The following FAM135A variants were observed in gnomAD, a reference collection of about 807,000 sequenced individuals.
FAM135A encodes the protein family with sequence similarity 135 member A.
A neutral mutation model predicts 146.8 loss-of-function variants in FAM135A; 79 were observed. The observed-to-expected ratio is 0.54, with a 90% CI of 0.45 to 0.65. FAM135A has a LOEUF of 0.65. FAM135A is among the 30% of genes least tolerant of loss of function. FAM135A has a pLI of 0.00. For synonymous variants in FAM135A, 562 were observed against 603.6 expected, an observed-to-expected ratio of 0.93 and a Z score of 1.01; for missense variants, 1,623 against 1,758.2, an observed-to-expected ratio of 0.92 and a Z score of 1.38.
chr6:70,482,563 A>G (rs933067432), intron 10 of FAM135A, among the ~76,000 whole-genome samples: 1 of 152,176 alleles, frequency 6.6e-6, no homozygotes, highest in African/African-American at 2.4e-5. Context: ...ATTTGATTTT[A>G]TAATAGTTAT....
chr6:70,425,900 G>A (rs968177042), intron 2 of FAM135A, among the ~76,000 whole-genome samples: 3 of 151,770 alleles, frequency 2.0e-5, no homozygotes, highest in African/African-American at 4.8e-5. Context: ...TCAGGAGATC[G>A]AGACCATCCT....
chr6:70,497,471 A>G (rs1045873008), intron 11 of FAM135A, among the ~76,000 whole-genome samples: 1 of 152,104 alleles, frequency 6.6e-6, no homozygotes, highest in African/African-American at 2.4e-5. Flanking sequence ...CTCTCTTCCT[A>G]TTTGAATACG....
chr6:70,512,085 A>G (rs987489553), intron 12 of FAM135A, among the ~76,000 whole-genome samples: 7 of 151,984 alleles, frequency 4.6e-5, no homozygotes, highest in Admixed American at 3.9e-4. Context: ...TTATTTCATT[A>G]CTTCACAAAA....
chr6:70,502,767 A>G lies in FAM135A; in HGVS notation c.1005A>G (p.Leu335=), dbSNP rs148895358. 1.1e-4 allele frequency: 182 copies of G among 1,612,074 alleles called. No homozygotes were observed. In the African/African-American group the frequency reaches 2.3e-3, roughly 20 times the overall value. Residue 335 remains leucine (L), a synonymous_variant, in exon 12 of 22, where the codon TTA becomes TTG. Coordinates refer to ENST00000418814, the MANE Select transcript of FAM135A (RefSeq NM_001162529.3). Reference sequence around the variant, plus strand: ...TACACGAAGAACTAAGAATATTATTAGCACAAGAGCACCATACTTTGAGGG... The same window carrying G: ...TACACGAAGAACTAAGAATATTATTGGCACAAGAGCACCATACTTTGAGGG... ...ITLHEELRIL[L]AQEHHTLRVR... is the part of the protein sequence containing the mutation.
chr6:70,507,747 G>C (rs1790110279), intron 12 of FAM135A, among the ~76,000 whole-genome samples: 1 of 152,000 alleles, frequency 6.6e-6, no homozygotes, highest in African/African-American at 2.4e-5. Context: ...TATTGTGTGT[G>C]AATAGTTACA....
intron 4 of FAM135A, among the ~76,000 whole-genome samples, chr6:70,429,283 C>T (rs1562400035): frequency 6.6e-6 from 1 of 152,038 alleles, no homozygotes; most frequent in African/African-American, 2.4e-5. Context: ...GAGGCCGAGG[C>T]GGGCAGATCA....
Position 70,536,393 on chromosome 6 carries a change from A to G in FAM135A, c.4099A>G (p.Ser1367Gly). Residue 1367 changes from serine (S) to glycine (G), a missense_variant, in exon 19 of 22, where the codon AGT (serine) becomes GGT (glycine). Transcript: ENST00000418814. Reference protein sequence around the residue: ...GPHLGTLYNSSALVNTGLWFM... With the variant: ...GPHLGTLYNSGALVNTGLWFM... ...TCACCTTGGTACACTCTACAACAGCAGTGCTCTTGTTAATACAGGTAAAAA... is the reference window on the plus strand; with the variant it reads ...TCACCTTGGTACACTCTACAACAGCGGTGCTCTTGTTAATACAGGTAAAAA... 6.2e-7 allele frequency: 1 copy of G among 1,605,816 alleles called. No homozygotes were observed. The highest frequency in any genetic ancestry group is 8.5e-7 in the Non-Finnish European group (1 of 1,177,088).
In FAM135A at chr6:70,522,613, A is replaced by G. The variant is rs753693539; in HGVS notation, c.1103+27A>G. ...TGAGTAGTATAAATTCAAAATTAAA[A>G]TGATATTACTTCCTTTTACATAAGA... On this transcript the variant is annotated intron_variant, in intron 13 of 21. Coordinates refer to ENST00000418814, the MANE Select transcript of FAM135A (RefSeq NM_001162529.3). 21 of 1,564,982 alleles carry G rather than the reference A, an allele frequency of 1.3e-5. No individual in the cohort carries two copies. The South Asian group carries it at 2.4e-4, about 18-fold the overall frequency.
At chr6:70,523,005 C>T (rs973886336) in intron 13 of FAM135A, among the ~76,000 whole-genome samples, 1 of 152,074 alleles carries the variant, frequency 6.6e-6, no homozygotes, top group African/African-American at 2.4e-5. Context: ...AGAACAAATG[C>T]CTTCTATCTT....
intron 4 of FAM135A, among the ~76,000 whole-genome samples, chr6:70,446,770 C>T (rs1355571754): frequency 6.6e-6 from 1 of 152,184 alleles, no homozygotes; most frequent in Non-Finnish European, 1.5e-5. Flanking sequence ...GTGGTGATCA[C>T]CGCTCTCATA....
chr6:70,471,719 C>CTTTT (rs1324655116), intron 5 of FAM135A, among the ~76,000 whole-genome samples: 2 of 152,070 alleles, frequency 1.3e-5, no homozygotes, highest in African/African-American at 4.8e-5. Context: ...TACCCTTGAA[C>CTTTT]TTAAAAGTTG....
intron 15 of FAM135A, among the ~76,000 whole-genome samples, chr6:70,527,092 C>A (rs766748310): frequency 1.1e-4 from 17 of 151,952 alleles, no homozygotes; most frequent in Non-Finnish European, 2.1e-4. Flanking sequence ...CCATTAACTT[C>A]CAGACAAAAG....
intron 17 of FAM135A, among the ~76,000 whole-genome samples, chr6:70,533,466 A>G (rs1290372589): frequency 6.6e-6 from 1 of 152,222 alleles, no homozygotes; most frequent in East Asian, 1.9e-4. Context: ...TCACATTTCT[A>G]TAGAAATATT....
chr6:70,461,067 G>A (rs370619602), intron 5 of FAM135A, among the ~76,000 whole-genome samples: 27 of 151,830 alleles, frequency 1.8e-4, no homozygotes, highest in South Asian at 8.3e-4. Flanking sequence ...CAAGTGATCC[G>A]CTGCCTCAGC....
At chr6:70,416,895 G>C (rs1767686418) in intron 2 of FAM135A, among the ~76,000 whole-genome samples, 1 of 152,194 alleles carries the variant, frequency 6.6e-6, no homozygotes, top group Non-Finnish European at 1.5e-5. Flanking sequence ...GAAGGAATAA[G>C]GTGAAACAAC....
At chr6:70,493,084 T>C (rs1005977300) in intron 11 of FAM135A, among the ~76,000 whole-genome samples, 2 of 152,054 alleles carry the variant, frequency 1.3e-5, no homozygotes, top group Non-Finnish European at 2.9e-5. Flanking sequence ...AAGCATTAGG[T>C]GGATCTCTAT....
chr6:70,498,155 T>G (rs12526961), intron 11 of FAM135A, among the ~76,000 whole-genome samples: 19,192 of 152,180 alleles, frequency 0.13, 1,488 homozygotes, highest in Middle Eastern at 0.19. Context: ...TTTCAGACCT[T>G]GTTATTGGCC....
At chr6:70,533,716 A>G in intron 17 of FAM135A, 41 bp from the exon 18 acceptor site, 1 of 1,183,354 alleles carries the variant, frequency 8.5e-7, no homozygotes, top group Non-Finnish European at 1.2e-6. Context: ...GTGATTATAC[A>G]TATTCCCAAA....
intron 20 of FAM135A, among the ~76,000 whole-genome samples, chr6:70,540,650 T>C (rs532665528): frequency 1.3e-5 from 2 of 152,094 alleles, no homozygotes; most frequent in Non-Finnish European, 2.9e-5. Flanking sequence ...TTCTTAAGTC[T>C]CCCTCCCGTT....
Sources: gnomAD v4.1 joint callset for allele counts (sites outside exome capture counted in the v4.1 genomes callset) on GRCh38, gnomAD v4.1.1 for gene constraint, MANE v1.5 for transcripts, NCBI Gene and HGNC (gene_info 2026-07-23, HGNC 2026-07-21) for gene names.